Variants in SGCZ observed in about 807,000 individuals in gnomAD.
SGCZ encodes zeta-sarcoglycan.
In SGCZ, 40 loss-of-function variants were observed where a neutral mutation model predicts 41.3. That is an observed-to-expected ratio of 0.97 (90% CI 0.75 to 1.26). The LOEUF is 1.26. SGCZ is among the 50% of genes most tolerant of loss of function. The pLI is 0.00. For synonymous variants in SGCZ, 206 were observed against 137.5 expected (o/e 1.50, Z -3.49); for missense variants, 552 against 369.8 (o/e 1.49, Z -4.04).
At chr8:14,771,417 A>G (rs2256035) in intron 1 of SGCZ, among the ~76,000 whole-genome samples, 107,506 of 152,032 alleles carry the variant, frequency 0.71, 39,154 homozygotes, top group African/African-American at 0.89. Flanking sequence ...GGCTAAAAAC[A>G]TCTCCCTTAA....
chr8:14,718,262 G>A (rs956836506), intron 1 of SGCZ, among the ~76,000 whole-genome samples: 1 of 151,560 alleles, frequency 6.6e-6, no homozygotes, highest in African/African-American at 2.4e-5. Context: ...TTTTTCGTCA[G>A]GTAATTTTTA....
intron 1 of SGCZ, among the ~76,000 whole-genome samples, chr8:14,666,451 TC>T (rs1334855778): frequency 2.0e-5 from 3 of 152,170 alleles, no homozygotes; most frequent in Non-Finnish European, 4.4e-5. Flanking sequence ...AACGTTAGTG[TC>T]CTTTCAACCT....
intron 1 of SGCZ, among the ~76,000 whole-genome samples, chr8:15,195,511 G>C (rs1358815447): frequency 6.6e-6 from 1 of 152,164 alleles, no homozygotes; most frequent in Admixed American, 6.5e-5. Flanking sequence ...TCTCCTGCAA[G>C]TTTGTTTCTT....
At chr8:14,533,798 T>C (rs1803210897) in intron 2 of SGCZ, among the ~76,000 whole-genome samples, 1 of 152,066 alleles carries the variant, frequency 6.6e-6, no homozygotes, top group South Asian at 2.1e-4. Context: ...ATTAATTTTA[T>C]GTGAAGAGTG....
At chr8:14,772,825 C>T (rs994424512) in intron 1 of SGCZ, among the ~76,000 whole-genome samples, 1 of 151,976 alleles carries the variant, frequency 6.6e-6, no homozygotes, top group Admixed American at 6.6e-5. Context: ...TCCAGTCTAT[C>T]ATTGTTGGAC....
chr8:14,620,169 A>G (rs1806236760), intron 1 of SGCZ, among the ~76,000 whole-genome samples: 1 of 152,142 alleles, frequency 6.6e-6, no homozygotes, highest in Non-Finnish European at 1.5e-5. Flanking sequence ...GACAAACCTG[A>G]CAAAAACAAG....
chr8:14,722,707 A>G (rs549850315), intron 1 of SGCZ, among the ~76,000 whole-genome samples: 2 of 152,278 alleles, frequency 1.3e-5, no homozygotes, highest in African/African-American at 4.8e-5. Context: ...TCAAGAAAAT[A>G]TCAGAAGGAA....
At chr8:14,728,389 AC>A (rs67900005) in intron 1 of SGCZ, among the ~76,000 whole-genome samples, 2 of 151,618 alleles carry the variant, frequency 1.3e-5, no homozygotes, top group African/African-American at 4.8e-5. Context: ...GAAAAAAAAA[AC>A]ATAATAAAGA....
chr8:14,130,616 G>A (rs1303486132), intron 5 of SGCZ, among the ~76,000 whole-genome samples: 2 of 152,172 alleles, frequency 1.3e-5, no homozygotes, highest in Non-Finnish European at 2.9e-5. Context: ...CAGATAGTGA[G>A]GGTAAGAGAG....
intron 2 of SGCZ, among the ~76,000 whole-genome samples, chr8:14,516,976 A>G (rs1802640223): frequency 6.6e-6 from 1 of 152,096 alleles, no homozygotes; most frequent in African/African-American, 2.4e-5. Flanking sequence ...GGAACAAGAA[A>G]ATAGATACAA....
intron 2 of SGCZ, among the ~76,000 whole-genome samples, chr8:14,337,801 T>G (rs530116876): frequency 6.6e-6 from 1 of 152,006 alleles, no homozygotes; most frequent in African/African-American, 2.4e-5. Flanking sequence ...GGGTCAGAGC[T>G]GATAATAGAA....
At position 15,076,754 on chromosome 8, in the gene SGCZ, A is replaced by ATT. The variant is rs35515934; in HGVS notation, c.39+160829_39+160830dup. Among the ~76,000 whole-genome samples the ATT allele has an allele frequency of 3.6e-3, 475 of 133,604 alleles. 1 individual carries two copies. The highest frequency in any genetic ancestry group is 0.012 in the African/African-American group (442 of 37,056). The allele number at this position is 133,604 out of a possible 152,430, so 87.6% of individuals were successfully genotyped here. A position where few individuals can be genotyped will look rare whatever the true frequency, so the allele number is the denominator to read the frequency against. ...CAAGGAACTTAAATAAGTCTCTCTC[A>ATT]TTTTTTTTTTTTTTTTGCTTCCCTC... On this transcript the variant is annotated intron_variant, in intron 1 of 7. Coordinates refer to ENST00000382080, the MANE Select transcript of SGCZ (RefSeq NM_139167.4).
intron 1 of SGCZ, among the ~76,000 whole-genome samples, chr8:15,128,251 C>G (rs1807775775): frequency 6.6e-6 from 1 of 152,116 alleles, no homozygotes; most frequent in African/African-American, 2.4e-5. Context: ...TAATTCAGCT[C>G]CCGGTGATGT....
At chr8:15,097,912 G>GTT (rs1806445540) in intron 1 of SGCZ, among the ~76,000 whole-genome samples, 1 of 122,538 alleles carries the variant, frequency 8.2e-6, no homozygotes, top group Admixed American at 8.2e-5. Context: ...ATATATATAC[G>GTT]TGTGTATATA....
intron 1 of SGCZ, among the ~76,000 whole-genome samples, chr8:14,726,031 G>C (rs1363144476): frequency 2.0e-5 from 3 of 151,750 alleles, no homozygotes; most frequent in Non-Finnish European, 4.4e-5. Flanking sequence ...GACCAAGGTG[G>C]GCAAATCATG....
intron 2 of SGCZ, among the ~76,000 whole-genome samples, chr8:14,489,170 C>T (rs183361808): frequency 7.7e-4 from 117 of 151,432 alleles, no homozygotes; most frequent in Middle Eastern, 6.8e-3. Flanking sequence ...TCATTAACAG[C>T]GAATTAGTTT....
At chr8:14,792,142 G>A (rs1484611126) in intron 1 of SGCZ, among the ~76,000 whole-genome samples, 2 of 152,132 alleles carry the variant, frequency 1.3e-5, no homozygotes, top group East Asian at 1.9e-4. Flanking sequence ...ACAATGCATA[G>A]AAAGGTGTGA....
chr8:14,506,614 C>T (rs562445004), intron 2 of SGCZ, among the ~76,000 whole-genome samples: 13 of 152,220 alleles, frequency 8.5e-5, no homozygotes, highest in Non-Finnish European at 1.6e-4. Flanking sequence ...TCTTTTTGTT[C>T]CATCTCAAAT....
intron 1 of SGCZ, among the ~76,000 whole-genome samples, chr8:14,751,888 C>T (rs148661823): frequency 2.0e-3 from 300 of 151,040 alleles, no homozygotes; most frequent in African/African-American, 6.9e-3. Flanking sequence ...GCCAAAATCG[C>T]GCCACTGCAC....
Sources: gnomAD v4.1 joint callset for allele counts (sites outside exome capture counted in the v4.1 genomes callset) on GRCh38, gnomAD v4.1.1 for gene constraint, MANE v1.5 for transcripts, NCBI Gene and HGNC (gene_info 2026-07-23, HGNC 2026-07-21) for gene names.